Variants in DENND2C observed in about 807,000 individuals in gnomAD.
The protein encoded by DENND2C is DENN domain containing 2C, also known as DENN domain-containing protein 2C.
In DENND2C, 72 loss-of-function variants were observed where a neutral mutation model predicts 112.4. The ratio of observed to expected loss-of-function variants is 0.64; its 90% CI spans 0.53 to 0.78. The LOEUF is 0.78. Among genes scored for constraint, DENND2C ranks in the 30% least tolerant of loss-of-function variants. The pLI is 0.00. For synonymous variants in DENND2C, 329 were observed against 381.6 expected (o/e 0.86, Z 1.61); for missense variants, 992 against 1,113.8 (o/e 0.89, Z 1.56).
In DENND2C at chr1:114,611,116, A is replaced by T; in HGVS notation, c.1326T>A (p.Gly442=). ...YTGKELPPTK[G]ETSGNESDAE... ...CATCACTTTCGTTCCCACTGGTTTC[A>T]CCTGAAAAGAGAGAAGGAGTTTCCA... The change falls in exon 9 of 21, where the codon GGT becomes GGA. Residue 442 remains glycine, a splice_region_variant and synonymous_variant. Coordinates refer to ENST00000393274, the MANE Select transcript of DENND2C (RefSeq NM_001256404.2). The T allele has an allele frequency of 1.9e-6, 3 of 1,614,118 alleles. No homozygotes were observed. Among genetic ancestry groups the T allele is most frequent in the Non-Finnish European group, 2.5e-6 (3 of 1,179,986 alleles).
intron 2 of DENND2C, among the ~76,000 whole-genome samples, chr1:114,649,711 GGTAAATT>G (rs1657102497): frequency 6.6e-6 from 1 of 151,544 alleles, no homozygotes; most frequent in Non-Finnish European, 1.5e-5. Context: ...ATTCAGACTT[GGTAAATT>G]CTTAGCAAGA....
intron 2 of DENND2C, among the ~76,000 whole-genome samples, chr1:114,650,289 C>T (rs188543829): frequency 6.6e-5 from 10 of 150,682 alleles, no homozygotes; most frequent in Non-Finnish European, 1.0e-4. Flanking sequence ...TGCCATTGCA[C>T]GCCAACCTGG....
At chr1:114,586,482 A>G (rs1655040653) in intron 20 of DENND2C, among the ~76,000 whole-genome samples, 1 of 152,184 alleles carries the variant, frequency 6.6e-6, no homozygotes, top group Admixed American at 6.5e-5. Context: ...ATAAACTTAT[A>G]TCAGGGAAGT....
Position 114,625,542 on chromosome 1 carries a change from AT to A in DENND2C, c.442del (p.Ile148TyrfsTer6). On this transcript the variant is annotated frameshift_variant, in exon 4 of 21. Coordinates refer to ENST00000393274, the MANE Select transcript of DENND2C (RefSeq NM_001256404.2). LOFTEE classifies it high-confidence loss of function. ...LPPGNFYTSQ[I>X]LWKKIEALPP... ...AAGTGCTTCTATTTTCTTCCACAGT[AT>A]TTGTGAGGTATAGAAGTTTCCTGGA... is the stretch of plus-strand genomic sequence containing the variant. 6.2e-7 allele frequency: 1 copy of A among 1,614,104 alleles called. No homozygotes were observed. The highest frequency in any genetic ancestry group is 8.5e-7 in the Non-Finnish European group (1 of 1,180,000).
chr1:114,587,549 A>G, intron 19 of DENND2C, 76 bp from the exon 20 acceptor site: 1 of 1,540,470 alleles, frequency 6.5e-7, no homozygotes. Context: ...TGTGCTTATA[A>G]CCAGTGTATT....
At chr1:114,663,202 C>A (rs980771737) in intron 1 of DENND2C, among the ~76,000 whole-genome samples, 1 of 152,158 alleles carries the variant, frequency 6.6e-6, no homozygotes, top group Non-Finnish European at 1.5e-5. Flanking sequence ...GAATAAAATT[C>A]CATCCTGTCC....
chr1:114,620,198 A>G (rs75339860), intron 7 of DENND2C, among the ~76,000 whole-genome samples: 4,011 of 152,284 alleles, frequency 0.026, 94 homozygotes, highest in Non-Finnish European at 0.034. Context: ...CAAAATTTGT[A>G]TTGCATAAGG....
intron 3 of DENND2C, among the ~76,000 whole-genome samples, chr1:114,635,769 G>C (rs1656637602): frequency 6.6e-6 from 1 of 152,188 alleles, no homozygotes; most frequent in Admixed American, 6.5e-5. Flanking sequence ...CAATTTGGGA[G>C]GCTGAGGAGG....
chr1:114,621,232 G>T (rs1317392719), intron 7 of DENND2C, among the ~76,000 whole-genome samples: 1 of 152,028 alleles, frequency 6.6e-6, no homozygotes, highest in Non-Finnish European at 1.5e-5. Flanking sequence ...AGACCAGCCT[G>T]GGCAATATAG....
intron 2 of DENND2C, among the ~76,000 whole-genome samples, chr1:114,649,667 G>A (rs1012494484): frequency 6.6e-6 from 1 of 152,036 alleles, no homozygotes; most frequent in Non-Finnish European, 1.5e-5. Flanking sequence ...GAGCCAATAC[G>A]CCTGGACAAT....
rs560709947 is a variant in DENND2C at position 114,600,891 on chromosome 1, T to C, written c.1885A>G (p.Met629Val). The change falls in exon 14 of 21, where the codon ATG (methionine) becomes GTG (valine). Residue 629 changes from methionine (M) to valine (V), a missense_variant. Coordinates refer to ENST00000393274, the MANE Select transcript of DENND2C (RefSeq NM_001256404.2). The stretch of plus-strand genomic sequence containing the variant: ...CCAGGAGCTGGGAAAGGAGCTTCCA[T>C]GACACTTCGCATGAATGGGTAAACA... ...ALVYPFMRSV[M>V]EAPFPAPGRT... is the part of the protein sequence containing the mutation. 3 of 1,614,100 alleles carry C rather than the reference T, an allele frequency of 1.9e-6. No individual in the cohort carries two copies. The highest frequency in any genetic ancestry group is 2.2e-5 in the South Asian group (2 of 91,076).
At chr1:114,592,697 G>A (rs1655228090) in intron 18 of DENND2C, among the ~76,000 whole-genome samples, 1 of 152,120 alleles carries the variant, frequency 6.6e-6, no homozygotes. Flanking sequence ...TCCAACCTGG[G>A]TGACAAAGCG....
At chr1:114,622,215 G>A (rs1656186383) in intron 6 of DENND2C, 150 bp from the exon 7 acceptor site, 1 of 785,478 alleles carries the variant, frequency 1.3e-6, no homozygotes, top group South Asian at 2.0e-5. Context: ...CTGAGCTCAA[G>A]TGATCCCCCC....
chr1:114,636,258 A>T (rs1393093814), intron 3 of DENND2C, among the ~76,000 whole-genome samples: 1 of 152,130 alleles, frequency 6.6e-6, no homozygotes, highest in Non-Finnish European at 1.5e-5. Flanking sequence ...ATCTATAAAT[A>T]AAAAAACCCA....
At chr1:114,618,785 TG>T (rs1656075591) in intron 7 of DENND2C, among the ~76,000 whole-genome samples, 1 of 152,232 alleles carries the variant, frequency 6.6e-6, no homozygotes, top group South Asian at 2.1e-4. Flanking sequence ...TATTGCCCTT[TG>T]TATAGTGATC....
intron 4 of DENND2C, 30 bp downstream of exon 4, chr1:114,625,149 C>T: frequency 1.3e-6 from 2 of 1,549,132 alleles, no homozygotes; most frequent in African/African-American, 1.4e-5. Context: ...AAAATACCTA[C>T]AAGTCTTTAT....
At chr1:114,655,332 G>A in intron 1 of DENND2C, among the ~76,000 whole-genome samples, 1 of 152,064 alleles carries the variant, frequency 6.6e-6, no homozygotes, top group East Asian at 1.9e-4. Context: ...ATGATTAAAG[G>A]CAGTTTATTA....
At chr1:114,648,941 T>C (rs1657073832) in intron 2 of DENND2C, among the ~76,000 whole-genome samples, 1 of 152,064 alleles carries the variant, frequency 6.6e-6, no homozygotes, top group Admixed American at 6.6e-5. Flanking sequence ...ATAAAATGTC[T>C]CTTTTCACAT....
intron 8 of DENND2C, among the ~76,000 whole-genome samples, chr1:114,613,932 AAAGT>A (rs1213244466): frequency 6.6e-6 from 1 of 152,176 alleles, no homozygotes; most frequent in African/African-American, 2.4e-5. Context: ...CTGAAAACTG[AAAGT>A]TAAGAAATAT....
Sources: gnomAD v4.1 joint callset for allele counts (sites outside exome capture counted in the v4.1 genomes callset) on GRCh38, gnomAD v4.1.1 for gene constraint, MANE v1.5 for transcripts, NCBI Gene and HGNC (gene_info 2026-07-23, HGNC 2026-07-21) for gene names.